The following SAMD12 variants were observed in gnomAD, a reference collection of about 807,000 sequenced individuals.
SAMD12 encodes the protein sterile alpha motif domain-containing protein 12.
SAMD12 carries 9 observed loss-of-function variants against 15.0 expected under a neutral mutation model. The observed-to-expected ratio is 0.60, with a 90% CI of 0.36 to 1.05. The LOEUF (loss-of-function observed/expected upper bound fraction) is 1.05. SAMD12 is among the 50% of genes least tolerant of loss of function. The pLI, the probability that SAMD12 is intolerant of heterozygous loss-of-function variation, is 0.01. For missense variants in SAMD12, 230 were observed against 234.2 expected (o/e 0.98, Z 0.12); for synonymous variants, 86 against 90.1 (o/e 0.96, Z 0.25).
intron 3 of SAMD12, among the ~76,000 whole-genome samples, chr8:118,415,455 G>GTGTGTGTGTA (rs1272752911): frequency 7.2e-6 from 1 of 138,226 alleles, no homozygotes; most frequent in East Asian, 2.0e-4. Flanking sequence ...TAAGGTGTGT[G>GTGTGTGTGTA]TGTGTGTGTG....
At chr8:118,326,159 T>C (rs1333084095) in intron 4 of SAMD12, among the ~76,000 whole-genome samples, 1 of 152,190 alleles carries the variant, frequency 6.6e-6, no homozygotes, top group East Asian at 1.9e-4. Context: ...TATATGTATA[T>C]ACTTATGAAT....
chr8:118,425,027 C>A (rs552562159), intron 3 of SAMD12, among the ~76,000 whole-genome samples: 1 of 151,248 alleles, frequency 6.6e-6, no homozygotes, highest in African/African-American at 2.4e-5. Context: ...CAAGCTCTGC[C>A]TCCTGGGTTC....
chr8:118,559,997 T>C (rs1826659216), intron 2 of SAMD12, among the ~76,000 whole-genome samples: 1 of 144,940 alleles, frequency 6.9e-6, no homozygotes, highest in South Asian at 2.1e-4. Context: ...ATCTAATGCT[T>C]TTTGGGAGTC....
intron 4 of SAMD12, among the ~76,000 whole-genome samples, chr8:118,317,609 G>A (rs907445904): frequency 1.3e-5 from 2 of 152,150 alleles, no homozygotes; most frequent in Admixed American, 1.3e-4. Context: ...ATTTATCTTT[G>A]GGGGACAGTA....
intron 2 of SAMD12, among the ~76,000 whole-genome samples, chr8:118,495,110 T>C (rs1184143855): frequency 6.6e-6 from 1 of 152,238 alleles, no homozygotes; most frequent in Non-Finnish European, 1.5e-5. Context: ...CAGGAAAGGT[T>C]AGTTGCCATC....
intron 2 of SAMD12, among the ~76,000 whole-genome samples, chr8:118,507,277 C>G (rs553749865): frequency 1.3e-5 from 2 of 152,162 alleles, no homozygotes; most frequent in East Asian, 3.9e-4. Flanking sequence ...ATGACACAGC[C>G]TCCTCTGCGT....
intron 3 of SAMD12, among the ~76,000 whole-genome samples, chr8:118,406,727 GTTTC>G (rs1300893959): frequency 6.6e-6 from 1 of 152,054 alleles, no homozygotes; most frequent in Admixed American, 6.6e-5. Flanking sequence ...ATTATACTTT[GTTTC>G]TTTAAGTTGG....
At position 118,523,077 on chromosome 8, in the gene SAMD12, T is replaced by C. The variant is rs528269435; in HGVS notation, c.192+57638A>G. Among the ~76,000 whole-genome samples the C allele has an allele frequency of 2.0e-5, 3 of 152,306 alleles. 1 individual carries two copies. The South Asian group carries it at 6.2e-4, about 32-fold the overall frequency. On this transcript the variant is annotated intron_variant, in intron 2 of 3. Transcript: ENST00000314727. ...TATATATCTAACTCACAAAATATAT[T>C]TCATATCTGAAAATAGCTGGCCCAG... is the stretch of plus-strand genomic sequence containing the variant.
chr8:118,444,650 C>T (rs1322927075), intron 2 of SAMD12, among the ~76,000 whole-genome samples: 1 of 151,608 alleles, frequency 6.6e-6, no homozygotes, highest in African/African-American at 2.4e-5. Context: ...CTGAAGCATT[C>T]AGTTTTAAGT....
At chr8:118,340,884 A>T (rs145009549) in intron 4 of SAMD12, among the ~76,000 whole-genome samples, 1 of 152,358 alleles carries the variant, frequency 6.6e-6, no homozygotes, top group African/African-American at 2.4e-5. Context: ...ATTGAAGTAA[A>T]GCCAGAGGAA....
At position 118,520,819 on chromosome 8, in the gene SAMD12, A is replaced by T. The variant is rs560205153; in HGVS notation, c.192+59896T>A. ...TTGATTTAGAAAGGAGAAGAGTAAAAAGATAGATAGTAAAACTCCAATCAG... is the reference window on the plus strand; with the variant it reads ...TTGATTTAGAAAGGAGAAGAGTAAATAGATAGATAGTAAAACTCCAATCAG... On this transcript the variant is annotated intron_variant, in intron 2 of 3. Transcript: ENST00000314727. Among the ~76,000 whole-genome samples, 23 of 152,308 alleles carry T rather than the reference A, an allele frequency of 1.5e-4. No individual in the cohort carries two copies. The South Asian group carries it at 4.1e-3, about 27-fold the overall frequency.
At chr8:118,197,484 G>T in exon 5 of SAMD12, 1 of 591,166 alleles carries the variant, frequency 1.7e-6, no homozygotes, top group Non-Finnish European at 3.0e-6. Context: ...ATGACCACTT[G>T]GAATGAGTTG....
chr8:118,447,130 G>A (rs904856698), intron 2 of SAMD12, among the ~76,000 whole-genome samples: 3 of 151,894 alleles, frequency 2.0e-5, no homozygotes, highest in Non-Finnish European at 4.4e-5. Context: ...ATCTATTAGG[G>A]AAACCTGATA....
chr8:118,137,548 C>G, the SAMD12 span, among the ~76,000 whole-genome samples: 22 of 152,290 alleles, frequency 1.4e-4, no homozygotes, highest in African/African-American at 5.3e-4. Context: ...CTTCCTCCAC[C>G]AGGATGTGCA....
intron 3 of SAMD12, among the ~76,000 whole-genome samples, chr8:118,400,909 A>C (rs1307958516): frequency 6.6e-6 from 1 of 152,234 alleles, no homozygotes; most frequent in Non-Finnish European, 1.5e-5. Context: ...TCATAACATC[A>C]ACAGCTTGAA....
At chr8:118,269,766 T>G (rs972168584) in intron 4 of SAMD12, among the ~76,000 whole-genome samples, 1 of 152,220 alleles carries the variant, frequency 6.6e-6, no homozygotes, top group African/African-American at 2.4e-5. Flanking sequence ...TCTTCTCATC[T>G]AATTTGTTTT....
chr8:118,168,111 T>C, the SAMD12 span, among the ~76,000 whole-genome samples: 1 of 152,238 alleles, frequency 6.6e-6, no homozygotes, highest in African/African-American at 2.4e-5. Context: ...TTTTGCTTCC[T>C]CCTCATTTTC....
At chr8:118,583,718 G>A (rs1827354148) in intron 1 of SAMD12, among the ~76,000 whole-genome samples, 1 of 152,120 alleles carries the variant, frequency 6.6e-6, no homozygotes, top group South Asian at 2.1e-4. Context: ...TTCACCTCAT[G>A]TCAGCTCAGA....
intron 4 of SAMD12, among the ~76,000 whole-genome samples, chr8:118,287,277 A>G (rs1310138216): frequency 2.8e-5 from 4 of 142,798 alleles, no homozygotes; most frequent in African/African-American, 1.1e-4. Flanking sequence ...GGCGCCCACC[A>G]CTGCGCCCGG....
Sources: gnomAD v4.1 joint callset for allele counts (sites outside exome capture counted in the v4.1 genomes callset) on GRCh38, gnomAD v4.1.1 for gene constraint, MANE v1.5 for transcripts, NCBI Gene and HGNC (gene_info 2026-07-23, HGNC 2026-07-21) for gene names.